Variants in DHX35 observed in about 807,000 individuals in gnomAD.
DHX35 encodes probable ATP-dependent RNA helicase DHX35.
In DHX35, 84 loss-of-function variants were observed where a neutral mutation model predicts 99.6. The observed-to-expected ratio is 0.84, with a 90% confidence interval of 0.71 to 1.01. The LOEUF (loss-of-function observed/expected upper bound fraction) is 1.01, where lower values mean the gene tolerates loss of function less well. Ranked by LOEUF, DHX35 falls within the 50% of genes least tolerant of loss-of-function variation. DHX35 has a pLI of 0.00. For missense variants in DHX35, 852 were observed against 888.5 expected (o/e 0.96, Z 0.52); for synonymous variants, 331 against 316.2 (o/e 1.05, Z -0.50).
At chr20:38,978,274 C>T (rs373064172) in intron 3 of DHX35, 4 of 769,720 alleles carry the variant, frequency 5.2e-6, no homozygotes, top group Non-Finnish European at 9.5e-6. Flanking sequence ...TGCACCAGCC[C>T]CTGAGCTGAC....
At chr20:39,006,065 A>T in intron 11 of DHX35, 81 bp from the exon 12 acceptor site, 2 of 1,488,938 alleles carry the variant, frequency 1.3e-6, no homozygotes, top group Non-Finnish European at 1.9e-6. Context: ...TGGAAATGTT[A>T]AATCTTTTAG....
intron 12 of DHX35, among the ~76,000 whole-genome samples, chr20:39,008,552 G>A (rs896006619): frequency 6.6e-6 from 1 of 152,164 alleles, no homozygotes; most frequent in Non-Finnish European, 1.5e-5. Context: ...AGTGGAAGTG[G>A]GGTTGGGGAG....
chr20:38,968,866 T>G (rs538237819), intron 1 of DHX35, among the ~76,000 whole-genome samples: 62 of 152,342 alleles, frequency 4.1e-4, no homozygotes, highest in African/African-American at 1.5e-3. Context: ...CTTGTTTGTT[T>G]TTGACACTGC....
intron 3 of DHX35, among the ~76,000 whole-genome samples, chr20:38,981,286 G>A (rs4812344): frequency 0.15 from 22,688 of 152,048 alleles, 1,825 homozygotes; most frequent in East Asian, 0.29. Context: ...CTTGTCTGTA[G>A]CAGTGATGAT....
chr20:38,965,822 G>C (rs1321374437), intron 1 of DHX35, among the ~76,000 whole-genome samples: 3 of 152,092 alleles, frequency 2.0e-5, no homozygotes, highest in Admixed American at 6.5e-5. Context: ...TACTTAATTT[G>C]CAAGTACACG....
intron 11 of DHX35, among the ~76,000 whole-genome samples, chr20:39,004,274 C>T (rs1244507063): frequency 1.3e-5 from 2 of 152,088 alleles, no homozygotes. Context: ...ACTAAGTTAG[C>T]CAGGATGGTC....
At chr20:39,009,072 T>G (rs1440691699) in intron 12 of DHX35, among the ~76,000 whole-genome samples, 1 of 152,194 alleles carries the variant, frequency 6.6e-6, no homozygotes, top group Non-Finnish European at 1.5e-5. Flanking sequence ...CTTCACACAC[T>G]TGAGTCCTCA....
chr20:38,969,280 G>A (rs1355455957), intron 2 of DHX35, 66 bp downstream of exon 2: 2 of 1,496,092 alleles, frequency 1.3e-6, no homozygotes, highest in Admixed American at 2.1e-5. Context: ...TTTATGCTCA[G>A]CACTGAAGGG....
intron 11 of DHX35, among the ~76,000 whole-genome samples, chr20:39,004,824 G>GC (rs1360734642): frequency 1.3e-5 from 2 of 152,190 alleles, no homozygotes; most frequent in African/African-American, 4.8e-5. Context: ...AGAGAATAGA[G>GC]CAGGTGAGGG....
intron 13 of DHX35, among the ~76,000 whole-genome samples, chr20:39,012,179 G>A (rs559359149): frequency 2.4e-3 from 373 of 152,270 alleles, no homozygotes; most frequent in Non-Finnish European, 4.5e-3. Context: ...AACCCGGGAG[G>A]TGGAGGTTGC....
chr20:38,965,651 C>A (rs146260144), intron 1 of DHX35, among the ~76,000 whole-genome samples: 6 of 152,068 alleles, frequency 3.9e-5, no homozygotes, highest in Admixed American at 2.6e-4. Context: ...ATATCCAGAT[C>A]TGAATGGGAA....
intron 21 of DHX35, among the ~76,000 whole-genome samples, 181 bp from the exon 22 acceptor site, chr20:39,038,318 G>A (rs1600468209): frequency 6.6e-6 from 1 of 152,204 alleles, no homozygotes; most frequent in African/African-American, 2.4e-5. Flanking sequence ...AATTCAGGTC[G>A]GCTTCTTCAT....
In DHX35 at chr20:39,030,732, A is replaced by C. The variant is rs570710414; in HGVS notation, c.1912A>C (p.Ile638Leu). 6.2e-7 allele frequency: 1 copy of C among 1,614,184 alleles called. No homozygotes were observed. The highest frequency in any genetic ancestry group is 1.7e-5 in the Admixed American group (1 of 60,034). ...RTIRDDHELH[I>L]HPASVLYAEK... ...CATCCGTGATGACCATGAGCTGCAC[A>C]TACACCCTGCGTCAGTCCTCTATGC... is the stretch of plus-strand genomic sequence containing the variant. The change falls in exon 20 of 22, where the codon ATA (isoleucine) becomes CTA (leucine). Residue 638 changes from isoleucine to leucine, a missense_variant. Physicochemically the swap from Ile to Leu is conservative, Grantham distance 5. Transcript: ENST00000252011.
At chr20:39,006,425 T>C in intron 12 of DHX35, 69 bp downstream of exon 12, 5 of 1,529,896 alleles carry the variant, frequency 3.3e-6, no homozygotes, top group Middle Eastern at 2.2e-4. Context: ...GTGTAGCAAA[T>C]GTTTACTCCT....
rs763701137 is a variant in DHX35 at position 38,991,492 on chromosome 20, T to C, written c.489T>C (p.Val163=). The change falls in exon 6 of 22, where the codon GTT becomes GTC. Residue 163 remains valine (V), a synonymous_variant. Coordinates refer to ENST00000252011, the MANE Select transcript of DHX35 (RefSeq NM_021931.4). The stretch of plus-strand genomic sequence containing the variant: ...GAATGCTGGTCAGGGAAATGATGGT[T>C]GATCCGTTGTTAACAAAATATAGGT... ...TDGMLVREMM[V]DPLLTKYSVI... 1.9e-6 allele frequency: 3 copies of C among 1,613,822 alleles called. No homozygotes were observed. Among genetic ancestry groups the C allele is most frequent in the Non-Finnish European group, 2.5e-6 (3 of 1,179,900 alleles).
At chr20:39,012,072 ACCCCGTC>A (rs1179477480) in intron 13 of DHX35, among the ~76,000 whole-genome samples, 8 of 152,120 alleles carry the variant, frequency 5.3e-5, no homozygotes, top group Admixed American at 5.2e-4. Flanking sequence ...ACATGGTGAA[ACCCCGTC>A]TCTACTAAAA....
intron 4 of DHX35, among the ~76,000 whole-genome samples, chr20:38,988,512 C>T (rs2086282899): frequency 6.6e-6 from 1 of 152,086 alleles, no homozygotes; most frequent in Non-Finnish European, 1.5e-5. Context: ...TGCCTGTAAT[C>T]CCAGCTACTT....
intron 13 of DHX35, among the ~76,000 whole-genome samples, chr20:39,011,998 A>T (rs2086709461): frequency 6.6e-6 from 1 of 152,272 alleles, no homozygotes. Flanking sequence ...CTGTAATCCC[A>T]GCACTTTGGG....
intron 21 of DHX35, 78 bp downstream of exon 21, chr20:39,034,395 A>C: frequency 8.2e-7 from 1 of 1,216,992 alleles, no homozygotes; most frequent in Non-Finnish European, 1.2e-6. Flanking sequence ...TTTTTCTCCA[A>C]TTTAATGCCC....
Sources: allele counts gnomAD v4.1 joint callset (sites outside exome capture counted in the v4.1 genomes callset), GRCh38; gene constraint gnomAD v4.1.1; transcripts MANE v1.5; gene names NCBI Gene and HGNC (gene_info 2026-07-23, HGNC 2026-07-21).